DPP10: variants seen among roughly 807,000 people sequenced by gnomAD.
The protein encoded by DPP10 is dipeptidyl peptidase like 10.
A neutral mutation model predicts 120.9 loss-of-function variants in DPP10; 33 were observed. The ratio of observed to expected loss-of-function variants is 0.27; its 90% CI spans 0.21 to 0.37. DPP10 has a LOEUF of 0.37. DPP10 is among the 10% of genes least tolerant of loss of function. The probability of loss-of-function intolerance (pLI) is 1.00; values close to 1 mark genes in which losing one functional copy is unlikely to be tolerated. For missense variants in DPP10, 816 were observed against 942.8 expected, an observed-to-expected ratio of 0.87 and a Z score of 1.76; for synonymous variants, 337 against 326.1, an observed-to-expected ratio of 1.03 and a Z score of -0.36.
At chr2:114,649,305 C>T (rs1696386969) in intron 1 of DPP10, among the ~76,000 whole-genome samples, 1 of 152,038 alleles carries the variant, frequency 6.6e-6, no homozygotes, top group South Asian at 2.1e-4. Flanking sequence ...GGTTTCGCCA[C>T]CCCAGATTCT....
chr2:115,264,815 T>C (rs548316230), intron 1 of DPP10, among the ~76,000 whole-genome samples: 2 of 152,302 alleles, frequency 1.3e-5, no homozygotes, highest in South Asian at 4.1e-4. Flanking sequence ...TGTTTTAAAA[T>C]GTAAAGCTTT....
intron 1 of DPP10, among the ~76,000 whole-genome samples, chr2:114,700,474 A>G (rs1700322631): frequency 6.6e-6 from 1 of 152,162 alleles, no homozygotes; most frequent in African/African-American, 2.4e-5. Flanking sequence ...TGATCCTAAA[A>G]TGTCAAAAAT....
At chr2:114,919,034 T>G (rs1176354690) in intron 1 of DPP10, among the ~76,000 whole-genome samples, 3 of 36,548 alleles carry the variant, frequency 8.2e-5, no homozygotes, top group East Asian at 1.4e-3. Context: ...GTAAAGAGAT[T>G]CCAAAAAAAA....
At chr2:115,060,035 T>C (rs1296185832) in intron 1 of DPP10, among the ~76,000 whole-genome samples, 1 of 152,078 alleles carries the variant, frequency 6.6e-6, no homozygotes, top group Non-Finnish European at 1.5e-5. Context: ...TGTAATTTAC[T>C]AACAATTATT....
chr2:114,498,398 C>T (rs1682865483), intron 1 of DPP10, among the ~76,000 whole-genome samples: 1 of 152,268 alleles, frequency 6.6e-6, no homozygotes, highest in South Asian at 2.1e-4. Context: ...TAAGATTCCA[C>T]ATATAACTGA....
intron 1 of DPP10, among the ~76,000 whole-genome samples, chr2:115,281,029 G>A (rs1003363453): frequency 6.6e-6 from 1 of 152,032 alleles, no homozygotes; most frequent in African/African-American, 2.4e-5. Context: ...CCATTTTTAT[G>A]TTGCCTTTTT....
At chr2:115,633,464 G>A (rs1396201843) in intron 5 of DPP10, among the ~76,000 whole-genome samples, 2 of 152,112 alleles carry the variant, frequency 1.3e-5, no homozygotes, top group African/African-American at 4.8e-5. Context: ...ATAGCATTAG[G>A]AGATATACCT....
intron 1 of DPP10, among the ~76,000 whole-genome samples, chr2:114,528,234 G>A (rs891672668): frequency 1.3e-5 from 2 of 152,140 alleles, no homozygotes; most frequent in African/African-American, 4.8e-5. Context: ...CAGTCTGAGT[G>A]CCACTGGTAT....
rs558666201 is a variant in DPP10 at position 114,749,477 on chromosome 2, C to T, written c.60+306639C>T. Among the ~76,000 whole-genome samples, 7 of 152,034 alleles carry T rather than the reference C, an allele frequency of 4.6e-5. No homozygotes were observed. In the East Asian group the frequency reaches 1.4e-3, roughly 29 times the overall value. On this transcript the variant is annotated intron_variant, in intron 1 of 25. Transcript: ENST00000410059. ...CCTGTGCCATGTACCTCTTTTCTTA[C>T]CCATCAATAATGGTTAAAAATTATT...
At chr2:115,281,348 A>G (rs2060149734) in intron 1 of DPP10, among the ~76,000 whole-genome samples, 1 of 152,170 alleles carries the variant, frequency 6.6e-6, no homozygotes, top group African/African-American at 2.4e-5. Context: ...AGCTAGAAGT[A>G]AGGCAGAATT....
At chr2:114,811,790 A>T (rs1018056055) in intron 1 of DPP10, among the ~76,000 whole-genome samples, 1 of 152,186 alleles carries the variant, frequency 6.6e-6, no homozygotes, top group Non-Finnish European at 1.5e-5. Context: ...TAAACAATTG[A>T]TGAAACATCA....
chr2:115,310,336 A>C (rs1266760038), intron 2 of DPP10, among the ~76,000 whole-genome samples: 1 of 152,170 alleles, frequency 6.6e-6, no homozygotes, highest in Admixed American at 6.5e-5. Context: ...AATATGATTA[A>C]CAATAACTGT....
At chr2:115,383,135 C>T (rs1272551469) in intron 3 of DPP10, among the ~76,000 whole-genome samples, 1 of 152,318 alleles carries the variant, frequency 6.6e-6, no homozygotes, top group Non-Finnish European at 1.5e-5. Context: ...TAAAGAATCA[C>T]ACTGAATATT....
intron 1 of DPP10, among the ~76,000 whole-genome samples, chr2:115,235,857 C>G (rs919002042): frequency 9.9e-5 from 15 of 152,066 alleles, no homozygotes; most frequent in African/African-American, 3.6e-4. Context: ...CACTGCGCAG[C>G]CAAGCTGACG....
chr2:114,803,611 T>C (rs1684458366), intron 1 of DPP10, among the ~76,000 whole-genome samples: 1 of 152,184 alleles, frequency 6.6e-6, no homozygotes, highest in Non-Finnish European at 1.5e-5. Flanking sequence ...ACTCTTGTTA[T>C]GTTTTAGCAA....
intron 1 of DPP10, among the ~76,000 whole-genome samples, chr2:115,293,326 G>A (rs1042245891): frequency 3.3e-5 from 5 of 152,056 alleles, no homozygotes; most frequent in South Asian, 2.1e-4. Context: ...AGTATGAACC[G>A]AATGTTTCCT....
chr2:115,233,212 AGTGTGTGTGTGT>A (rs72071460), intron 1 of DPP10, among the ~76,000 whole-genome samples: 2 of 148,844 alleles, frequency 1.3e-5, no homozygotes, highest in South Asian at 2.1e-4. Context: ...AGGTATATTG[AGTGTGTGTGTGT>A]GTGTGTGTGT....
rs66716319 is a variant in DPP10, at chr2:114,532,256, C to CATATATATAT, written c.60+89450_60+89459dup. Among the ~76,000 whole-genome samples the CATATATATAT allele has an allele frequency of 5.1e-3, 434 of 85,762 alleles. 3 individuals carry two copies. The highest frequency in any genetic ancestry group is 6.5e-3 in the Non-Finnish European group (297 of 45,508). The allele number at this position is 85,762 out of a possible 152,430, so 56.3% of individuals were successfully genotyped here. On this transcript the variant is annotated intron_variant, in intron 1 of 25. Transcript: ENST00000410059. ...CGAGCCAATTCCCATAATAAATCTC[C>CATATATATAT]ATATATATATATATATATATATATA...
intron 1 of DPP10, chr2:115,161,828 T>G: frequency 6.7e-5 from 36 of 537,040 alleles, no homozygotes; most frequent in East Asian, 2.4e-4. Context: ...GCCCCTCCGC[T>G]CCCCCCACCC....
Sources: allele counts gnomAD v4.1 joint callset (sites outside exome capture counted in the v4.1 genomes callset), GRCh38; gene constraint gnomAD v4.1.1; transcripts MANE v1.5; gene names NCBI Gene and HGNC (gene_info 2026-07-23, HGNC 2026-07-21).